NKAIN1: variants seen among roughly 807,000 people sequenced by gnomAD.
NKAIN1 encodes sodium/potassium-transporting ATPase subunit beta-1-interacting protein 1.
In NKAIN1, 13 loss-of-function variants were observed where a neutral mutation model predicts 31.6. That is an observed-to-expected ratio of 0.41 (90% CI 0.27 to 0.65). The LOEUF is 0.65. Among genes scored for constraint, NKAIN1 ranks in the 30% least tolerant of loss-of-function variants. NKAIN1 has a pLI of 0.30. For missense variants in NKAIN1, 193 were observed against 262.2 expected (o/e 0.74, Z 1.82); for synonymous variants, 104 against 109.0 (o/e 0.95, Z 0.28).
intron 1 of NKAIN1, among the ~76,000 whole-genome samples, chr1:31,191,426 C>A (rs1645285543): frequency 7.5e-6 from 1 of 132,560 alleles, no homozygotes. Context: ...TTTTTTAAAG[C>A]AGTAGCAGAT....
At position 31,202,543 on chromosome 1, in the gene NKAIN1, G is replaced by A. The variant is rs370008908; in HGVS notation, c.55-14356C>T. 4.6e-5 allele frequency among the ~76,000 whole-genome samples: 7 copies of A among 151,712 alleles called. No individual in the cohort carries two copies. The East Asian group carries it at 1.2e-3, about 25-fold the overall frequency. ...ACACAAAAAACTAGCCGGGTGTGGT[G>A]GTGGGCACCTGTAGTCCCAGCTACT... On this transcript the variant is annotated intron_variant, in intron 1 of 6. Coordinates refer to ENST00000373736, the MANE Select transcript of NKAIN1 (RefSeq NM_024522.3).
intron 4 of NKAIN1, among the ~76,000 whole-genome samples, chr1:31,182,923 A>G (rs1025063996): frequency 1.3e-5 from 2 of 152,102 alleles, no homozygotes; most frequent in South Asian, 2.1e-4. Flanking sequence ...TGGCCCTTCT[A>G]GAAACAGGAA....
At chr1:31,203,516 G>C (rs1645400653) in intron 1 of NKAIN1, among the ~76,000 whole-genome samples, 1 of 151,638 alleles carries the variant, frequency 6.6e-6, no homozygotes, top group South Asian at 2.1e-4. Context: ...GTTAACTCTA[G>C]GGAATGGGAT....
intron 2 of NKAIN1, among the ~76,000 whole-genome samples, chr1:31,186,403 T>TG (rs1194027089): frequency 6.7e-6 from 1 of 148,700 alleles, no homozygotes; most frequent in African/African-American, 2.5e-5. Context: ...TGTTTTTTTT[T>TG]TTTTTTTTTT....
At chr1:31,219,188 T>C (rs12755429) in intron 1 of NKAIN1, among the ~76,000 whole-genome samples, 22,346 of 152,344 alleles carry the variant, frequency 0.15, 2,012 homozygotes, top group Middle Eastern at 0.28. Context: ...TGAATTTCAA[T>C]TCCTCTGACT....
intron 1 of NKAIN1, among the ~76,000 whole-genome samples, chr1:31,196,697 A>AAAATAAAT (rs142670426): frequency 6.2e-5 from 9 of 145,186 alleles, no homozygotes; most frequent in South Asian, 2.2e-4. Context: ...TTCCATCTCA[A>AAAATAAAT]AAATAAATAA....
At chr1:31,218,774 G>A (rs556406361) in intron 1 of NKAIN1, among the ~76,000 whole-genome samples, 1 of 152,128 alleles carries the variant, frequency 6.6e-6, no homozygotes, top group Non-Finnish European at 1.5e-5. Context: ...TGTCATAGTC[G>A]ACAACCACAG....
chr1:31,186,924 C>A (rs570470098), intron 2 of NKAIN1, among the ~76,000 whole-genome samples: 1 of 152,282 alleles, frequency 6.6e-6, no homozygotes, highest in Admixed American at 6.5e-5. Flanking sequence ...ATTCCACCCA[C>A]GGTAGTGAGC....
intron 1 of NKAIN1, among the ~76,000 whole-genome samples, chr1:31,228,012 T>C (rs1008482429): frequency 2.0e-5 from 3 of 152,090 alleles, no homozygotes; most frequent in Non-Finnish European, 2.9e-5. Flanking sequence ...AGAACACCAT[T>C]TGTCAGCTTT....
At position 31,183,847 on chromosome 1, in the gene NKAIN1, G is replaced by T. The variant is rs888419082; in HGVS notation, c.441C>A (p.Ala147=). ...GCLLDYPYIE[A]LSSALQIFLA... is the part of the protein sequence containing the mutation. Reference sequence around the variant, plus strand: ...GGAAGATCTGCAGGGCGCTGCTGAGGGCTTCAATGTAGGGGTAGTCAAGCA... The same window carrying T: ...GGAAGATCTGCAGGGCGCTGCTGAGTGCTTCAATGTAGGGGTAGTCAAGCA... Residue 147 remains alanine (A), a synonymous_variant, in exon 4 of 7, where the codon GCC becomes GCA. Coordinates refer to ENST00000373736, the MANE Select transcript of NKAIN1 (RefSeq NM_024522.3). The T allele has an allele frequency of 6.2e-6, 10 of 1,613,948 alleles. No individual in the cohort carries two copies. The highest frequency in any genetic ancestry group is 1.3e-5 in the African/African-American group (1 of 75,000).
intron 1 of NKAIN1, among the ~76,000 whole-genome samples, chr1:31,201,029 T>C (rs2050818): frequency 0.75 from 114,585 of 151,846 alleles, 43,669 homozygotes; most frequent in Middle Eastern, 0.9. Flanking sequence ...GACAGGGTTT[T>C]GCCATCTTGG....
At chr1:31,208,238 C>T (rs1157289488) in intron 1 of NKAIN1, among the ~76,000 whole-genome samples, 2 of 152,158 alleles carry the variant, frequency 1.3e-5, no homozygotes, top group Non-Finnish European at 2.9e-5. Flanking sequence ...AATAAAACCT[C>T]AGAGTCACTG....
chr1:31,185,397 G>A, intron 2 of NKAIN1, 70 bp from the exon 3 acceptor site: 1 of 1,240,978 alleles, frequency 8.1e-7, no homozygotes, highest in Non-Finnish European at 1.2e-6. Context: ...AATGGAGACA[G>A]AGCTCAGGGA....
intron 1 of NKAIN1, among the ~76,000 whole-genome samples, chr1:31,216,112 C>A (rs183499799): frequency 1.7e-4 from 26 of 151,200 alleles, no homozygotes; most frequent in Non-Finnish European, 2.5e-4. Flanking sequence ...CCCTCTATCT[C>A]GCAGGCAGGC....
intron 1 of NKAIN1, among the ~76,000 whole-genome samples, chr1:31,205,800 T>G (rs1645419294): frequency 6.6e-6 from 1 of 151,398 alleles, no homozygotes; most frequent in Non-Finnish European, 1.5e-5. Flanking sequence ...TTTTTGCATT[T>G]TTAGTAGAGA....
intron 1 of NKAIN1, among the ~76,000 whole-genome samples, chr1:31,192,789 T>C (rs1046731453): frequency 6.6e-6 from 1 of 152,062 alleles, no homozygotes; most frequent in African/African-American, 2.4e-5. Flanking sequence ...CCTGGGCTCA[T>C]GTGGTCCACC....
intron 1 of NKAIN1, among the ~76,000 whole-genome samples, chr1:31,200,499 T>G (rs1393609289): frequency 1.3e-5 from 2 of 150,238 alleles, no homozygotes; most frequent in Admixed American, 1.3e-4. Context: ...TTGCTGTTGT[T>G]CATGCTGGAG....
At chr1:31,190,468 C>G (rs558964323) in intron 1 of NKAIN1, among the ~76,000 whole-genome samples, 21 of 152,334 alleles carry the variant, frequency 1.4e-4, no homozygotes, top group African/African-American at 5.1e-4. Context: ...GTGACTTGTC[C>G]AAGGTCACAC....
chr1:31,225,017 C>CTT (rs1158711800), intron 1 of NKAIN1, among the ~76,000 whole-genome samples: 1 of 129,252 alleles, frequency 7.7e-6, no homozygotes, highest in African/African-American at 3.5e-5. Flanking sequence ...CAGCCCATTT[C>CTT]TTTTTCTTTT....
Sources: allele counts gnomAD v4.1 joint callset (sites outside exome capture counted in the v4.1 genomes callset), GRCh38; gene constraint gnomAD v4.1.1; transcripts MANE v1.5; gene names NCBI Gene and HGNC (gene_info 2026-07-23, HGNC 2026-07-21).